Variants in CRAMP1 observed in about 807,000 individuals in gnomAD.
CRAMP1 encodes the protein protein cramped-like.
In CRAMP1, 50 loss-of-function variants were observed where a neutral mutation model predicts 115.4. The observed-to-expected ratio is 0.43, with a 90% confidence interval of 0.35 to 0.55. The LOEUF (loss-of-function observed/expected upper bound fraction) is 0.55, where lower values mean the gene tolerates loss of function less well. Among genes scored for constraint, CRAMP1 ranks in the 20% least tolerant of loss-of-function variants. The pLI is 0.01. For synonymous variants in CRAMP1, 866 were observed against 745.4 expected (o/e 1.16, Z -2.64); for missense variants, 1,679 against 1,721.7 (o/e 0.98, Z 0.44).
intron 2 of CRAMP1, among the ~76,000 whole-genome samples, chr16:1,619,306 GA>G (rs1351853665): frequency 6.6e-6 from 1 of 152,158 alleles, no homozygotes; most frequent in African/African-American, 2.4e-5. Flanking sequence ...TCAGCCTCCT[GA>G]GGAGCTGGGA....
chr16:1,615,855 T>A (rs1361090747), intron 2 of CRAMP1, among the ~76,000 whole-genome samples: 1 of 152,190 alleles, frequency 6.6e-6, no homozygotes, highest in Non-Finnish European at 1.5e-5. Flanking sequence ...CCAGTGAGTT[T>A]CACGTGAAAA....
At position 1,673,461 on chromosome 16, in the gene CRAMP1, C is replaced by T. The variant is rs549899255; in HGVS notation, c.3646-420C>T. Among the ~76,000 whole-genome samples the T allele has an allele frequency of 3.9e-4, 59 of 152,384 alleles. 1 individual carries two copies. Among genetic ancestry groups the T allele is most frequent in the African/African-American group, 1.2e-3 (51 of 41,588 alleles). On this transcript the variant is annotated intron_variant, in intron 20 of 20. Transcript: ENST00000397412. ...TATCCTCGGGTTTTACCCCACCTCC[C>T]GCTCAGGTCCCAGTCCTTGGAGCAC...
intron 4 of CRAMP1, among the ~76,000 whole-genome samples, chr16:1,633,913 C>T (rs993897055): frequency 5.9e-5 from 9 of 151,846 alleles, no homozygotes; most frequent in Non-Finnish European, 1.5e-5. Flanking sequence ...ACTAAAAATA[C>T]AAAAATTAGC....
Position 1,656,706 on chromosome 16 carries a change from C to T in CRAMP1, c.1949C>T (p.Pro650Leu), listed in dbSNP as rs780415279. Residue 650 changes from proline to leucine, a missense_variant, in exon 10 of 21, where the codon CCG becomes CTG. Coordinates refer to ENST00000397412, the MANE Select transcript of CRAMP1 (RefSeq NM_020825.4). The surrounding 1 kb of genome is among the most constrained non-coding windows in gnomAD (Gnocchi z 5.6). ...GAGAAGGGGAGCCCCGCGGGGCCTCCGCCGTCTCAGGGACAGCCTGCCGCC... is the reference window on the plus strand; with the variant it reads ...GAGAAGGGGAGCCCCGCGGGGCCTCTGCCGTCTCAGGGACAGCCTGCCGCC... ...LQEKGSPAGP[P>L]PSQGQPAARP... 75 of 1,555,844 alleles carry T rather than the reference C, an allele frequency of 4.8e-5. No individual in the cohort carries two copies. The highest frequency in any genetic ancestry group is 5.9e-5 in the South Asian group (5 of 84,436).
intron 18 of CRAMP1, 79 bp downstream of exon 18, chr16:1,668,272 G>C: frequency 1.9e-6 from 2 of 1,072,992 alleles, no homozygotes; most frequent in South Asian, 1.3e-5. Flanking sequence ...CACTTCCTGG[G>C]GATATTCCAG....
At position 1,638,793 on chromosome 16, in the gene CRAMP1, C is replaced by T. The variant is rs564441905; in HGVS notation, c.778+886C>T. On this transcript the variant is annotated intron_variant, in intron 5 of 20. Transcript: ENST00000397412. ...AGTCGCCCTGTCTGTGCCAGGCCTG[C>T]ACCACACTCTGTCCCCTTGCTGCCC... Among the ~76,000 whole-genome samples the T allele has an allele frequency of 4.6e-5, 7 of 152,114 alleles. No individual in the cohort carries two copies. In the South Asian group the frequency reaches 1.2e-3, roughly 27 times the overall value.
chr16:1,629,421 G>A (rs573220223), intron 3 of CRAMP1, among the ~76,000 whole-genome samples: 1 of 152,316 alleles, frequency 6.6e-6, no homozygotes, highest in South Asian at 2.1e-4. Context: ...TGCCGTTACC[G>A]TGTGTATATC....
chr16:1,625,867 G>C, intron 2 of CRAMP1, 106 bp from the exon 3 acceptor site: 1 of 1,126,090 alleles, frequency 8.9e-7, no homozygotes, highest in Non-Finnish European at 1.3e-6. Flanking sequence ...TGAGGAGTGT[G>C]GAGTGGGACC....
rs929504482 is a variant in CRAMP1 at position 1,673,987 on chromosome 16, G to A, written c.3752G>A (p.Arg1251Gln). 5.6e-6 allele frequency: 9 copies of A among 1,612,754 alleles called. No homozygotes were observed. Among genetic ancestry groups the A allele is most frequent in the African/African-American group, 1.3e-5 (1 of 74,906 alleles). ...CTGTCCATCGCTGAGCCTGGCCGCC[G>A]AGAAGCTCTGTTTGATGGTGGTGGA... ...QELSIAEPGR[R>Q]EALFDGGGGG... The change falls in exon 21 of 21, where the codon CGA (arginine) becomes CAA (glutamine). Residue 1251 changes from arginine (R) to glutamine (Q), a missense_variant. Coordinates refer to ENST00000397412, the MANE Select transcript of CRAMP1 (RefSeq NM_020825.4).
At position 1,655,204 on chromosome 16, in the gene CRAMP1, C is replaced by T. The variant is rs748775549; in HGVS notation, c.1038-15C>T. On this transcript the variant is annotated splice_polypyrimidine_tract_variant and intron_variant, in intron 8 of 20. Transcript: ENST00000397412. ...TTCTGCGAACCTCACTTCCTCCTGT[C>T]TGTCGTCTCCGTAGGATGATCGTGG... 15 of 1,609,628 alleles carry T rather than the reference C, an allele frequency of 9.3e-6. No homozygotes were observed. Among genetic ancestry groups the T allele is most frequent in the South Asian group, 3.3e-5 (3 of 90,994 alleles).
At chr16:1,620,732 G>C (rs887166080) in intron 2 of CRAMP1, 2 of 454,096 alleles carry the variant, frequency 4.4e-6, no homozygotes, top group African/African-American at 4.0e-5. Flanking sequence ...GCTGAGGGAG[G>C]GACTTTGAGG....
chr16:1,670,575 C>T, intron 19 of CRAMP1, 89 bp from the exon 20 acceptor site: 2 of 1,452,570 alleles, frequency 1.4e-6, no homozygotes, highest in South Asian at 2.5e-5. Flanking sequence ...AGGGCTTGGG[C>T]TGGCTGCCCC....
intron 7 of CRAMP1, 81 bp downstream of exon 7, chr16:1,652,662 T>C (rs1408531820): frequency 1.6e-6 from 2 of 1,284,580 alleles, no homozygotes; most frequent in East Asian, 2.5e-5. Flanking sequence ...AGCTACCGGG[T>C]TGCTGCCACA....
chr16:1,665,559 T>G (rs1404638118), intron 14 of CRAMP1, among the ~76,000 whole-genome samples: 1 of 152,214 alleles, frequency 6.6e-6, no homozygotes, highest in Non-Finnish European at 1.5e-5. Flanking sequence ...GGGAGAAGCC[T>G]CTAGTGAAAC....
chr16:1,656,645 A>G lies in CRAMP1; in HGVS notation c.1888A>G (p.Lys630Glu). Residue 630 changes from lysine to glutamate, a missense_variant, in exon 10 of 21, where the codon AAA becomes GAA. By Grantham distance (56) the Lys-to-Glu change is moderately conservative. Coordinates refer to ENST00000397412, the MANE Select transcript of CRAMP1 (RefSeq NM_020825.4). The surrounding 1 kb of genome is among the most constrained non-coding windows in gnomAD (Gnocchi z 5.6). ...CGGGCTCCTGCTGGATGTTTGCACT[A>G]AAGACTTGGCAGATGCACCTGCGGA... ...GPGLLLDVCT[K>E]DLADAPAEEL... 4 of 1,578,764 alleles carry G rather than the reference A, an allele frequency of 2.5e-6. No individual in the cohort carries two copies. The highest frequency in any genetic ancestry group is 1.8e-5 in the Admixed American group (1 of 54,878).
chr16:1,658,898 G>A (rs1281393777), intron 10 of CRAMP1, among the ~76,000 whole-genome samples: 3 of 152,176 alleles, frequency 2.0e-5, no homozygotes, highest in Non-Finnish European at 4.4e-5. Context: ...GTTCAGGAGA[G>A]TGAGGAGAAG....
In CRAMP1 at chr16:1,674,377, C is replaced by T. The variant is rs1434863910; in HGVS notation, c.*332C>T. The T allele has an allele frequency of 2.6e-5, 8 of 304,488 alleles. No homozygotes were observed. The highest frequency in any genetic ancestry group is 1.7e-4 in the African/African-American group (8 of 46,530). 18.9% of individuals were successfully genotyped at this position (304,488 alleles called of 1,614,324 possible). A position where few individuals can be genotyped will look rare whatever the true frequency, so the allele number is the denominator to read the frequency against. ...TGTGTTGGACATTCCGGTGGCATTT[C>T]CTTCTGAGACAAGGGAGTATGTGTG... On this transcript the variant is annotated 3_prime_UTR_variant, in exon 21 of 21. Coordinates refer to ENST00000397412, the MANE Select transcript of CRAMP1 (RefSeq NM_020825.4).
At chr16:1,637,319 G>A (rs2036597035) in intron 4 of CRAMP1, among the ~76,000 whole-genome samples, 1 of 151,636 alleles carries the variant, frequency 6.6e-6, no homozygotes, top group Admixed American at 6.6e-5. Context: ...AAAAAAAACA[G>A]GGCCTCTTAC....
intron 3 of CRAMP1, among the ~76,000 whole-genome samples, chr16:1,628,050 A>G (rs893214727): frequency 1.6e-4 from 25 of 152,168 alleles, no homozygotes; most frequent in African/African-American, 6.0e-4. Flanking sequence ...ACCCTTATTC[A>G]AGCAGTTCAG....
Sources: allele counts gnomAD v4.1 joint callset (sites outside exome capture counted in the v4.1 genomes callset), GRCh38; gene constraint gnomAD v4.1.1; non-coding constraint Gnocchi (gnomAD v3.1); transcripts MANE v1.5; gene names NCBI Gene and HGNC (gene_info 2026-07-23, HGNC 2026-07-21).